The following RBL1 variants were observed in gnomAD, a reference collection of about 807,000 sequenced individuals.
RBL1 encodes RB transcriptional corepressor like 1, also known as retinoblastoma-like protein 1.
A neutral mutation model predicts 123.0 loss-of-function variants in RBL1; 82 were observed. The ratio of observed to expected loss-of-function variants is 0.67; its 90% CI spans 0.56 to 0.80. The LOEUF is 0.80. RBL1 is among the 30% of genes least tolerant of loss of function. The pLI is 0.00. For missense variants in RBL1, 1,171 were observed against 1,299.6 expected (o/e 0.90, Z 1.52); for synonymous variants, 405 against 441.3 (o/e 0.92, Z 1.03).
intron 1 of RBL1, among the ~76,000 whole-genome samples, chr20:37,090,194 G>A (rs1422079893): frequency 6.6e-6 from 1 of 152,174 alleles, no homozygotes; most frequent in Non-Finnish European, 1.5e-5. Context: ...GAAACATGCT[G>A]AACAAGTTTG....
intron 2 of RBL1, among the ~76,000 whole-genome samples, chr20:37,084,858 T>A (rs1389135308): frequency 6.6e-6 from 1 of 152,096 alleles, no homozygotes; most frequent in Non-Finnish European, 1.5e-5. Flanking sequence ...CTCCACCTCC[T>A]GGGTTCAAGA....
intron 7 of RBL1, 33 bp downstream of exon 7, chr20:37,065,391 A>C (rs1411694366): frequency 6.8e-7 from 1 of 1,465,106 alleles, no homozygotes; most frequent in African/African-American, 1.4e-5. Context: ...ACAGCTTGTG[A>C]TAAGCCAGGC....
intron 19 of RBL1, among the ~76,000 whole-genome samples, chr20:37,013,996 T>C (rs1235986968): frequency 1.3e-5 from 2 of 152,162 alleles, no homozygotes; most frequent in Non-Finnish European, 2.9e-5. Flanking sequence ...ATCTGGGTCA[T>C]AGCATCTAAC....
chr20:37,014,791 A>C (rs890735778), intron 19 of RBL1, among the ~76,000 whole-genome samples: 2 of 145,010 alleles, frequency 1.4e-5, no homozygotes, highest in Non-Finnish European at 3.0e-5. Context: ...GGTCAGGTGC[A>C]GTGGCTGACG....
intron 14 of RBL1, among the ~76,000 whole-genome samples, chr20:37,037,899 C>A (rs1229811749): frequency 6.6e-6 from 1 of 151,514 alleles, no homozygotes; most frequent in East Asian, 1.9e-4. Flanking sequence ...GTTGCCCGGG[C>A]TGGTCTTGAA....
intron 2 of RBL1, among the ~76,000 whole-genome samples, chr20:37,079,726 G>A (rs2065419668): frequency 6.6e-6 from 1 of 152,056 alleles, no homozygotes; most frequent in African/African-American, 2.4e-5. Context: ...CCTCCCAAGC[G>A]ATCCTCCCAC....
intron 2 of RBL1, 64 bp downstream of exon 2, chr20:37,088,925 C>T: frequency 8.6e-7 from 1 of 1,162,436 alleles, no homozygotes; most frequent in East Asian, 2.9e-5. Context: ...GATCTCAAAA[C>T]AAGAGAAAAC....
Position 37,067,037 on chromosome 20 carries a change from A to G in RBL1, c.641T>C (p.Ile214Thr). 6.2e-7 allele frequency: 1 copy of G among 1,611,212 alleles called. No individual in the cohort carries two copies. Among genetic ancestry groups the G allele is most frequent in the Non-Finnish European group, 8.5e-7 (1 of 1,177,614 alleles). Residue 214 changes from isoleucine (I) to threonine (T), a missense_variant, in exon 5 of 22, where the codon ATT becomes ACT. Coordinates refer to ENST00000373664, the MANE Select transcript of RBL1 (RefSeq NM_002895.5). ...CCLDLIFANA[I>T]MCPNRQDLLN... Reference sequence around the variant, plus strand: ...CAAGTCTTGTCTATTTGGGCACATAATCGCATTGGCAAAAATCAGATCCAA... The same window carrying G: ...CAAGTCTTGTCTATTTGGGCACATAGTCGCATTGGCAAAAATCAGATCCAA...
chr20:37,063,557 G>A (rs372839190), intron 7 of RBL1, among the ~76,000 whole-genome samples: 6 of 152,208 alleles, frequency 3.9e-5, no homozygotes, highest in Admixed American at 1.3e-4. Context: ...TGTTGCCTAG[G>A]CTGGAGTGCA....
intron 11 of RBL1, 118 bp from the exon 12 acceptor site, chr20:37,047,308 A>G: frequency 8.4e-7 from 1 of 1,185,814 alleles, no homozygotes; most frequent in Non-Finnish European, 1.1e-6. Flanking sequence ...ACACTAGATT[A>G]CTGGAGATAA....
intron 19 of RBL1, 50 bp downstream of exon 19, chr20:37,018,229 A>G (rs767877769): frequency 6.5e-7 from 1 of 1,546,000 alleles, no homozygotes; most frequent in Admixed American, 2.0e-5. Context: ...TATTATGTAC[A>G]GTGTGATCCA....
intron 2 of RBL1, among the ~76,000 whole-genome samples, chr20:37,072,430 A>G (rs2065296757): frequency 6.6e-6 from 1 of 152,102 alleles, no homozygotes; most frequent in Non-Finnish European, 1.5e-5. Flanking sequence ...AGTTGCGGGG[A>G]GGCGGAAGTT....
At chr20:37,000,221 A>C (rs1382858698) in intron 21 of RBL1, among the ~76,000 whole-genome samples, 1 of 137,914 alleles carries the variant, frequency 7.3e-6, no homozygotes, top group Non-Finnish European at 1.6e-5. Flanking sequence ...CCCAGCAGCC[A>C]CACCCTCTGA....
chr20:37,033,225 G>A (rs1600498725), intron 15 of RBL1, among the ~76,000 whole-genome samples: 3 of 144,760 alleles, frequency 2.1e-5, no homozygotes, highest in East Asian at 2.0e-4. Context: ...TTGCTCTGTC[G>A]CCCAGGCTGG....
intron 19 of RBL1, among the ~76,000 whole-genome samples, chr20:37,007,792 T>C (rs2064098657): frequency 6.6e-6 from 1 of 151,992 alleles, no homozygotes; most frequent in Non-Finnish European, 1.5e-5. Flanking sequence ...GGTTTTGCCA[T>C]GTTGCCCAGG....
chr20:37,048,468 C>T (rs985679403), intron 11 of RBL1, among the ~76,000 whole-genome samples: 1 of 152,156 alleles, frequency 6.6e-6, no homozygotes, highest in African/African-American at 2.4e-5. Flanking sequence ...GTTTCCCTTC[C>T]TTCTTCTGAT....
Position 37,003,779 on chromosome 20 carries a change from TATAA to T in RBL1, c.2955_2958del (p.Tyr986PhefsTer28). 1.2e-6 allele frequency: 2 copies of T among 1,614,020 alleles called. No individual in the cohort carries two copies. The highest frequency in any genetic ancestry group is 1.7e-6 in the Non-Finnish European group (2 of 1,179,956). The stretch of plus-strand genomic sequence containing the variant: ...CCTGACCCATTCTTGTGCGGGGAAA[TATAA>T]ATGGAGTGCTGCTGGGAAATGCGGC... On this transcript the variant is annotated frameshift_variant, in exon 21 of 22. Transcript: ENST00000373664. LOFTEE classifies it high-confidence loss of function.
At chr20:37,041,328 T>TTTC (rs1183833887) in intron 13 of RBL1, among the ~76,000 whole-genome samples, 3 of 152,190 alleles carry the variant, frequency 2.0e-5, no homozygotes, top group African/African-American at 7.2e-5. Context: ...TTTATTCATT[T>TTTC]AATTTTTTTT....
intron 11 of RBL1, among the ~76,000 whole-genome samples, chr20:37,048,391 G>C (rs2064850708): frequency 6.6e-6 from 1 of 152,182 alleles, no homozygotes; most frequent in African/African-American, 2.4e-5. Flanking sequence ...CTCAGAGGTA[G>C]AGAACATTAG....
Sources: gnomAD v4.1 joint callset for allele counts (sites outside exome capture counted in the v4.1 genomes callset) on GRCh38, gnomAD v4.1.1 for gene constraint, MANE v1.5 for transcripts, NCBI Gene and HGNC (gene_info 2026-07-23, HGNC 2026-07-21) for gene names.